Variants in NCOA1 observed in about 807,000 individuals in gnomAD.
NCOA1 encodes nuclear receptor coactivator 1.
In NCOA1, 35 loss-of-function variants were observed where a neutral mutation model predicts 150.9. The observed-to-expected ratio is 0.23, with a 90% CI of 0.18 to 0.31. NCOA1 has a LOEUF of 0.31. Ranked by LOEUF, NCOA1 falls within the 10% of genes least tolerant of loss-of-function variation. The probability of loss-of-function intolerance (pLI) is 1.00; values close to 1 mark genes in which losing one functional copy is unlikely to be tolerated. For missense variants in NCOA1, 1,491 were observed against 1,749.3 expected, an observed-to-expected ratio of 0.85 and a Z score of 2.63; for synonymous variants, 590 against 630.0, an observed-to-expected ratio of 0.94 and a Z score of 0.95.
At chr2:24,554,716 G>A (rs912686655) in intron 1 of NCOA1, 6 of 152,150 alleles carry the variant, frequency 3.9e-5, no homozygotes, top group African/African-American at 1.4e-4. Flanking sequence ...CCAGCAACAT[G>A]TTGGTGCTGG....
intron 18 of NCOA1, among the ~76,000 whole-genome samples, chr2:24,740,913 C>G (rs1181364510): frequency 6.6e-6 from 1 of 152,114 alleles, no homozygotes; most frequent in Non-Finnish European, 1.5e-5. Flanking sequence ...TATTGATATG[C>G]CATGTTACAT....
intron 1 of NCOA1, among the ~76,000 whole-genome samples, chr2:24,535,555 T>C (rs1665095128): frequency 6.6e-6 from 1 of 152,228 alleles, no homozygotes; most frequent in South Asian, 2.1e-4. Context: ...TGCTGGTCTT[T>C]ATAATTTGGC....
At chr2:24,626,351 G>A (rs1052102955) in intron 3 of NCOA1, among the ~76,000 whole-genome samples, 3 of 152,182 alleles carry the variant, frequency 2.0e-5, no homozygotes, top group East Asian at 1.9e-4. Context: ...GGAGTTAGAC[G>A]TGCTGCTAAA....
chr2:24,592,816 C>T (rs142136359), intron 3 of NCOA1, among the ~76,000 whole-genome samples: 2 of 152,138 alleles, frequency 1.3e-5, no homozygotes, highest in African/African-American at 4.8e-5. Context: ...CTGAAGTAGA[C>T]ATTTTAATTT....
chr2:24,596,938 A>C (rs2148347156), intron 3 of NCOA1, among the ~76,000 whole-genome samples: 1 of 152,314 alleles, frequency 6.6e-6, no homozygotes, highest in African/African-American at 2.4e-5. Flanking sequence ...TCAATATTCT[A>C]AATCCTATTT....
chr2:24,767,993 T>TGAC (rs1376053161), intron 22 of NCOA1: 1 of 1,383,434 alleles, frequency 7.2e-7, no homozygotes, highest in African/African-American at 1.4e-5. Flanking sequence ...ATAGGAGGCG[T>TGAC]GACCATTCCA....
chr2:24,653,074 T>G (rs1572545864), intron 4 of NCOA1, among the ~76,000 whole-genome samples: 1 of 152,202 alleles, frequency 6.6e-6, no homozygotes, highest in African/African-American at 2.4e-5. Context: ...CCTGTCTGGC[T>G]GCTGTTGTTT....
At chr2:24,729,447 G>C in intron 16 of NCOA1, 54 bp from the exon 17 acceptor site, 1 of 1,494,000 alleles carries the variant, frequency 6.7e-7, no homozygotes, top group Non-Finnish European at 9.2e-7. Flanking sequence ...ACGGAAGCAT[G>C]TTACTTATTG....
intron 6 of NCOA1, among the ~76,000 whole-genome samples, chr2:24,673,033 A>C (rs199948505): frequency 6.6e-6 from 1 of 152,360 alleles, no homozygotes; most frequent in African/African-American, 2.4e-5. Flanking sequence ...TTTCTTTTAC[A>C]ACTTACCCAT....
At chr2:24,669,374 G>GA (rs1280638153) in intron 6 of NCOA1, among the ~76,000 whole-genome samples, 1 of 151,930 alleles carries the variant, frequency 6.6e-6, no homozygotes, top group Non-Finnish European at 1.5e-5. Flanking sequence ...GAAGGAGAAA[G>GA]AAAAAAACAA....
chr2:24,526,943 A>G (rs1440697375), intron 1 of NCOA1, among the ~76,000 whole-genome samples: 3 of 152,216 alleles, frequency 2.0e-5, no homozygotes, highest in African/African-American at 2.4e-5. Context: ...TTTATTAGGT[A>G]TAAGTAGTCT....
chr2:24,626,433 C>T (rs953106016), intron 3 of NCOA1, among the ~76,000 whole-genome samples: 1 of 152,092 alleles, frequency 6.6e-6, no homozygotes, highest in African/African-American at 2.4e-5. Context: ...TGATGCTGTT[C>T]TGATAAACAC....
At chr2:24,746,002 A>C (rs6743362) in intron 19 of NCOA1, among the ~76,000 whole-genome samples, 6,462 of 152,284 alleles carry the variant, frequency 0.042, 214 homozygotes, top group African/African-American at 0.093. Flanking sequence ...AAAGTAGTCA[A>C]CACCCTGTCT....
At chr2:24,532,786 G>T (rs1664952024) in intron 1 of NCOA1, among the ~76,000 whole-genome samples, 1 of 152,090 alleles carries the variant, frequency 6.6e-6, no homozygotes, top group East Asian at 1.9e-4. Flanking sequence ...TATTTCTGAG[G>T]CCTCTGTTCT....
chr2:24,752,956 TTG>T (rs1221693295), intron 20 of NCOA1, among the ~76,000 whole-genome samples: 1 of 152,152 alleles, frequency 6.6e-6, no homozygotes, highest in Non-Finnish European at 1.5e-5. Flanking sequence ...TTTAATTTGG[TTG>T]TGTCTTAGTT....
At chr2:24,630,813 T>TA (rs11426936) in intron 3 of NCOA1, among the ~76,000 whole-genome samples, 4,245 of 152,176 alleles carry the variant, frequency 0.028, 61 homozygotes, top group African/African-American at 0.042. Flanking sequence ...AAGTGAAAGA[T>TA]AAAAAAACAA....
At chr2:24,652,835 C>T (rs988589281) in intron 4 of NCOA1, among the ~76,000 whole-genome samples, 3 of 151,868 alleles carry the variant, frequency 2.0e-5, no homozygotes, top group African/African-American at 4.8e-5. Flanking sequence ...TTTCCTGAAA[C>T]CAGCATTTAT....
intron 6 of NCOA1, among the ~76,000 whole-genome samples, chr2:24,667,414 A>G (rs1309572522): frequency 6.6e-6 from 1 of 152,168 alleles, no homozygotes; most frequent in African/African-American, 2.4e-5. Flanking sequence ...CTGCCAGTCA[A>G]CTATTTAATG....
At chr2:24,513,527 A>T (rs1017063548) in intron 1 of NCOA1, among the ~76,000 whole-genome samples, 1 of 152,074 alleles carries the variant, frequency 6.6e-6, no homozygotes, top group Non-Finnish European at 1.5e-5. Context: ...TGTAGTCAAC[A>T]TTCCTGAACA....
Sources: gnomAD v4.1 joint callset for allele counts (sites outside exome capture counted in the v4.1 genomes callset) on GRCh38, gnomAD v4.1.1 for gene constraint, MANE v1.5 for transcripts, NCBI Gene and HGNC (gene_info 2026-07-23, HGNC 2026-07-21) for gene names.